PI4KB: variants seen among roughly 807,000 people sequenced by gnomAD.
PI4KB encodes phosphatidylinositol 4-kinase beta, also known as PtdIns 4-kinase beta.
Under a neutral mutation model 81.4 loss-of-function variants are expected in PI4KB, and 23 were observed. The observed-to-expected ratio is 0.28, with a 90% CI of 0.20 to 0.40. The LOEUF is 0.40. Ranked by LOEUF, PI4KB falls within the 10% of genes least tolerant of loss-of-function variation. PI4KB has a pLI of 1.00. For synonymous variants in PI4KB, 381 were observed against 406.8 expected (o/e 0.94, Z 0.76); for missense variants, 651 against 1,036.6 (o/e 0.63, Z 5.11).
chr1:151,313,772 A>G (rs1234079551), intron 2 of PI4KB, among the ~76,000 whole-genome samples: 3 of 152,262 alleles, frequency 2.0e-5, no homozygotes, highest in African/African-American at 7.2e-5. Flanking sequence ...AGATGGCCAT[A>G]GCCTGGGCCG....
At chr1:151,297,380 T>A (rs1238883563) in intron 9 of PI4KB, among the ~76,000 whole-genome samples, 1 of 62,410 alleles carries the variant, frequency 1.6e-5, no homozygotes, top group Non-Finnish European at 4.2e-5. Flanking sequence ...CTCGCTTTGT[T>A]GCCCAGACTA....
chr1:151,313,154 T>C (rs587658025), intron 2 of PI4KB, among the ~76,000 whole-genome samples: 2 of 152,312 alleles, frequency 1.3e-5, no homozygotes, highest in African/African-American at 4.8e-5. Context: ...CCTAGTGATA[T>C]TCATGTTTCT....
intron 11 of PI4KB, chr1:151,293,716 G>C: frequency 2.8e-6 from 1 of 356,656 alleles, no homozygotes; most frequent in Non-Finnish European, 5.2e-6. Context: ...GAGAAACTCA[G>C]AGCTGGACAG....
chr1:151,327,321 G>T lies in PI4KB; in HGVS notation c.-79C>A. On this transcript the variant is annotated 5_prime_UTR_variant, in exon 1 of 12. Coordinates refer to ENST00000368873, the MANE Select transcript of PI4KB (RefSeq NM_001369623.2). Reference sequence around the variant, plus strand: ...TGCGGGCAGTCGCGGTTGGACTGCCGACACTGCCGCCTCAGCAGCAGCGAC... The same window carrying T: ...TGCGGGCAGTCGCGGTTGGACTGCCTACACTGCCGCCTCAGCAGCAGCGAC... 2.5e-6 allele frequency: 1 copy of T among 395,550 alleles called. No individual in the cohort carries two copies. 24.5% of individuals were successfully genotyped at this position (395,550 alleles called of 1,614,324 possible). A position where few individuals can be genotyped will look rare whatever the true frequency, so the allele number is the denominator to read the frequency against.
Position 151,292,826 on chromosome 1 carries a change from C to T in PI4KB, c.*26G>A. Reference sequence around the variant, plus strand: ...CTCTAGGGAGGGTGCCCTGGACCCCCCACCACTCCTGGGCTGAGGAGCGTG... The same window carrying T: ...CTCTAGGGAGGGTGCCCTGGACCCCTCACCACTCCTGGGCTGAGGAGCGTG... On this transcript the variant is annotated 3_prime_UTR_variant, in exon 12 of 12. Coordinates refer to ENST00000368873, the MANE Select transcript of PI4KB (RefSeq NM_001369623.2). The T allele has an allele frequency of 6.2e-7, 1 of 1,608,358 alleles. No homozygotes were observed. Among genetic ancestry groups the T allele is most frequent in the Non-Finnish European group, 8.5e-7 (1 of 1,176,316 alleles).
rs997234628 is a variant in PI4KB, at chr1:151,323,320, C to A, written c.-29+3951G>T. Among the ~76,000 whole-genome samples the A allele has an allele frequency of 3.9e-5, 6 of 152,070 alleles. 1 individual carries two copies. The highest frequency in any genetic ancestry group is 1.4e-4 in the African/African-American group (6 of 41,422). On this transcript the variant is annotated intron_variant, in intron 1 of 11. Coordinates refer to ENST00000368873, the MANE Select transcript of PI4KB (RefSeq NM_001369623.2). Reference sequence around the variant, plus strand: ...AGCACTTTGTGACCAGCCTGGCCAACATGGTGAAACCCCGTCTCTACTAAA... The same window carrying A: ...AGCACTTTGTGACCAGCCTGGCCAAAATGGTGAAACCCCGTCTCTACTAAA...
intron 11 of PI4KB, chr1:151,293,453 C>A: frequency 8.3e-7 from 1 of 1,205,720 alleles, no homozygotes; most frequent in Non-Finnish European, 1.1e-6. Flanking sequence ...TCCTGAGCAA[C>A]GGCGACAACC....
intron 7 of PI4KB, 97 bp downstream of exon 7, chr1:151,302,097 T>A (rs1230165220): frequency 6.5e-7 from 1 of 1,538,150 alleles, no homozygotes; most frequent in East Asian, 2.3e-5. Flanking sequence ...GCCTGACAGA[T>A]TTTTTTGGAG....
chr1:151,301,428 C>T (rs936451307), intron 8 of PI4KB, among the ~76,000 whole-genome samples: 1 of 151,498 alleles, frequency 6.6e-6, no homozygotes, highest in East Asian at 1.9e-4. Flanking sequence ...GACGGAGTCT[C>T]GTTCTGTCGC....
At chr1:151,326,417 A>T (rs2102034793) in intron 1 of PI4KB, 1 of 471,696 alleles carries the variant, frequency 2.1e-6, no homozygotes, top group Non-Finnish European at 3.7e-6. Context: ...AACAGAGAAC[A>T]CATGAAGCCC....
At chr1:151,321,232 C>T (rs1293431210) in intron 1 of PI4KB, among the ~76,000 whole-genome samples, 1 of 152,196 alleles carries the variant, frequency 6.6e-6, no homozygotes, top group Non-Finnish European at 1.5e-5. Context: ...AGCTCTACCA[C>T]TAGAAACCAC....
At chr1:151,304,160 C>A (rs587761455) in intron 5 of PI4KB, among the ~76,000 whole-genome samples, 3 of 152,292 alleles carry the variant, frequency 2.0e-5, no homozygotes, top group African/African-American at 7.2e-5. Flanking sequence ...GACCCCAAGG[C>A]CCATGTCAAG....
intron 6 of PI4KB, 47 bp from the exon 7 acceptor site, chr1:151,302,345 G>A: frequency 7.6e-7 from 1 of 1,309,648 alleles, no homozygotes; most frequent in Non-Finnish European, 1.1e-6. Context: ...CTACCCCCAA[G>A]CCCCATGCCC....
chr1:151,301,767 T>C (rs761615584), intron 8 of PI4KB, 77 bp downstream of exon 8: 117 of 1,400,154 alleles, frequency 8.4e-5, no homozygotes, highest in Non-Finnish European at 1.1e-4. Flanking sequence ...CTCCCGACTT[T>C]GTAATCCACC....
In PI4KB at chr1:151,327,281, C is replaced by A; in HGVS notation, c.-39G>T. The stretch of plus-strand genomic sequence containing the variant: ...GGAGGAGTAGCTTACCTCTGGGGGA[C>A]CCCCGCGGAGGGGGTGCGGGCAGTC... On this transcript the variant is annotated 5_prime_UTR_variant, in exon 1 of 12. Coordinates refer to ENST00000368873, the MANE Select transcript of PI4KB (RefSeq NM_001369623.2). 1 of 140,566 alleles carries A rather than the reference C, an allele frequency of 7.1e-6. No homozygotes were observed. The highest frequency in any genetic ancestry group is 1.3e-5 in the Non-Finnish European group (1 of 74,374). 8.7% of individuals were successfully genotyped at this position (140,566 alleles called of 1,614,324 possible).
At chr1:151,322,778 C>T (rs1417904820) in intron 1 of PI4KB, among the ~76,000 whole-genome samples, 2 of 151,872 alleles carry the variant, frequency 1.3e-5, no homozygotes, top group African/African-American at 4.8e-5. Context: ...ACTCTGTTGC[C>T]CAGGTTGGAG....
At chr1:151,323,333 C>G (rs1020058552) in intron 1 of PI4KB, among the ~76,000 whole-genome samples, 2 of 151,980 alleles carry the variant, frequency 1.3e-5, no homozygotes, top group Non-Finnish European at 2.9e-5. Context: ...GGTGAAACCC[C>G]GTCTCTACTA....
In PI4KB at chr1:151,316,032, G is replaced by A. The variant is rs180814821; in HGVS notation, c.450C>T (p.Asn150=). The A allele has an allele frequency of 6.2e-7, 1 of 1,614,192 alleles. No individual in the cohort carries two copies. Among genetic ancestry groups the A allele is most frequent in the African/African-American group, 1.3e-5 (1 of 75,042 alleles). The change falls in exon 2 of 12, where the codon AAC becomes AAT. Residue 150 remains asparagine (N), a synonymous_variant. Coordinates refer to ENST00000368873, the MANE Select transcript of PI4KB (RefSeq NM_001369623.2). The stretch of plus-strand genomic sequence containing the variant: ...AGGCTTGTACTCCAGGCTCCTTGGA[G>A]TTATACAGGTATGAAATGGCCATGG... ...DISMAISYLY[N]SKEPGVQAYI...
intron 5 of PI4KB, among the ~76,000 whole-genome samples, chr1:151,305,600 G>A (rs1007237332): frequency 6.6e-6 from 1 of 152,090 alleles, no homozygotes; most frequent in Non-Finnish European, 1.5e-5. Context: ...TGTGATGCCC[G>A]CCCCAAGTCT....
Sources: allele counts gnomAD v4.1 joint callset (sites outside exome capture counted in the v4.1 genomes callset), GRCh38; gene constraint gnomAD v4.1.1; transcripts MANE v1.5; gene names NCBI Gene and HGNC (gene_info 2026-07-23, HGNC 2026-07-21).